The following NSD3 variants were observed in gnomAD, a reference collection of about 807,000 sequenced individuals.
NSD3 encodes the protein nuclear receptor binding SET domain protein 3, also known as histone-lysine N-methyltransferase NSD3.
A neutral mutation model predicts 160.8 loss-of-function variants in NSD3; 24 were observed. The observed-to-expected ratio is 0.15, with a 90% CI of 0.11 to 0.21. The LOEUF (loss-of-function observed/expected upper bound fraction) is 0.21. Among genes scored for constraint, NSD3 ranks in the 10% least tolerant of loss-of-function variants. The pLI is 1.00. For synonymous variants in NSD3, 520 were observed against 600.0 expected (o/e 0.87, Z 1.95); for missense variants, 1,157 against 1,735.9 (o/e 0.67, Z 5.93).
chr8:38,275,392 T>G lies in NSD3; in HGVS notation c.*249A>C. ...TTTCTTTTTCAAGCTGCAATGGCAC[T>G]GAAGCACAATAAAAGGCAAGAAAAG... On this transcript the variant is annotated 3_prime_UTR_variant, in exon 24 of 24. Coordinates refer to ENST00000317025, the MANE Select transcript of NSD3 (RefSeq NM_023034.2). The G allele has an allele frequency of 2.3e-6, 1 of 444,054 alleles. No homozygotes were observed. The highest frequency in any genetic ancestry group is 4.0e-6 in the Non-Finnish European group (1 of 249,944). The allele number at this position is 444,054 out of a possible 1,614,324, so 27.5% of individuals were successfully genotyped here.
intron 1 of NSD3, among the ~76,000 whole-genome samples, chr8:38,378,255 C>T (rs1811444478): frequency 6.6e-6 from 1 of 152,084 alleles, no homozygotes; most frequent in Admixed American, 6.6e-5. Context: ...CCTGTAATTC[C>T]AGCACTTTGG....
chr8:38,347,214 C>G (rs1268937897), intron 2 of NSD3, among the ~76,000 whole-genome samples: 3 of 152,138 alleles, frequency 2.0e-5, no homozygotes, highest in Non-Finnish European at 4.4e-5. Flanking sequence ...CAAAAACCAA[C>G]AGTCTATTGT....
chr8:38,350,973 CTTTTT>C (rs35184943), intron 1 of NSD3, among the ~76,000 whole-genome samples: 1 of 134,178 alleles, frequency 7.5e-6, no homozygotes, highest in African/African-American at 2.8e-5. Flanking sequence ...CTAGAAAGTT[CTTTTT>C]TTTTTTTTTT....
Position 38,299,475 on chromosome 8 carries a change from A to C in NSD3, c.2727T>G (p.Ser909=). 1 of 1,613,100 alleles carries C rather than the reference A, an allele frequency of 6.2e-7. No homozygotes were observed. Among genetic ancestry groups the C allele is most frequent in the East Asian group, 2.2e-5 (1 of 44,860 alleles). ...CACATTTCTTTTTGGAAGCTGACGA[A>C]GAAGGAATCATAGGTAATTTCATCA... ...AELMKLPMIP[S]SSASKKKCEK... The change falls in exon 15 of 24, where the codon TCT becomes TCG. Residue 909 remains serine (S), a synonymous_variant. Transcript: ENST00000317025.
At chr8:38,314,794 G>A (rs1809616928) in intron 11 of NSD3, 21 bp from the exon 12 acceptor site, 2 of 1,610,440 alleles carry the variant, frequency 1.2e-6, no homozygotes, top group African/African-American at 2.7e-5. Context: ...GCAAAAAGCA[G>A]TGGTTCTCAA....
chr8:38,284,581 T>A (rs1051624624), intron 19 of NSD3, among the ~76,000 whole-genome samples: 1 of 152,206 alleles, frequency 6.6e-6, no homozygotes, highest in Non-Finnish European at 1.5e-5. Context: ...GAGATGGGGT[T>A]TCACTATGTT....
chr8:38,315,436 T>A lies in NSD3; in HGVS notation c.2095A>T (p.Lys699Ter). ...SLSRRGTGMS[K>*]KDTVCQICES... ...CCTACCTGACATACAGTGTCCTTCT[T>A]ACTCATTCCAGTGCCTCTTCTCGAC... The change falls in exon 11 of 24, where the codon AAG becomes TAG. Residue 699 changes from lysine (K) to a stop codon, truncating the protein, a stop_gained. Transcript: ENST00000317025. LOFTEE classifies it high-confidence loss of function. 6.3e-7 allele frequency: 1 copy of A among 1,596,584 alleles called. No individual in the cohort carries two copies. Among genetic ancestry groups the A allele is most frequent in the Non-Finnish European group, 8.5e-7 (1 of 1,175,078 alleles).
At chr8:38,369,965 TGTATTTTTA>T (rs1811202367) in intron 1 of NSD3, among the ~76,000 whole-genome samples, 1 of 152,112 alleles carries the variant, frequency 6.6e-6, no homozygotes, top group Admixed American at 6.6e-5. Flanking sequence ...GGCTAATTTT[TGTATTTTTA>T]GTAGACATGG....
At chr8:38,278,761 A>G (rs567018754) in intron 21 of NSD3, among the ~76,000 whole-genome samples, 11 of 152,242 alleles carry the variant, frequency 7.2e-5, no homozygotes, top group Non-Finnish European at 1.6e-4. Context: ...TAGTTTCTAA[A>G]TGAACAATAT....
At chr8:38,377,552 T>C (rs1385225033) in intron 1 of NSD3, among the ~76,000 whole-genome samples, 3 of 148,278 alleles carry the variant, frequency 2.0e-5, no homozygotes, top group East Asian at 2.1e-4. Context: ...TTTCGTCATG[T>C]TGGCCAGACT....
At chr8:38,300,678 G>C (rs1809256570) in intron 14 of NSD3, among the ~76,000 whole-genome samples, 1 of 152,136 alleles carries the variant, frequency 6.6e-6, no homozygotes, top group Admixed American at 6.5e-5. Context: ...CCCTCCCCCA[G>C]TTAATTCATG....
chr8:38,337,356 T>C lies in NSD3; in HGVS notation c.859A>G (p.Met287Val). ...KVGTYPWWPCMVSSDPQLEVH... is the reference protein window; with the variant it reads ...KVGTYPWWPCVVSSDPQLEVH... ...TCAAGCTGGGGATCACTTGAAACCA[T>C]ACAAGGCCACCAAGGATAGGTTCCC... Residue 287 changes from methionine (M) to valine (V), a missense_variant, in exon 4 of 24, where the codon ATG (methionine) becomes GTG (valine). Physicochemically the swap from Met to Val is conservative, Grantham distance 21 (BLOSUM62 1). This residue lies in a region of NSD3 where 99 missense variants were observed against 151.8 expected (regional missense o/e 0.65). Transcript: ENST00000317025. 1 of 1,612,386 alleles carries C rather than the reference T, an allele frequency of 6.2e-7. No homozygotes were observed.
intron 7 of NSD3, among the ~76,000 whole-genome samples, chr8:38,326,402 T>C (rs978788398): frequency 6.6e-6 from 1 of 152,176 alleles, no homozygotes; most frequent in East Asian, 1.9e-4. Context: ...TGTGTGCTAA[T>C]AGAGTGGGAA....
chr8:38,350,523 T>C (rs2150385302), intron 1 of NSD3, among the ~76,000 whole-genome samples: 1 of 152,336 alleles, frequency 6.6e-6, no homozygotes, highest in Admixed American at 6.5e-5. Flanking sequence ...GCCCACTTTT[T>C]GATGGGGTTG....
chr8:38,374,279 A>C (rs781130348), intron 1 of NSD3, among the ~76,000 whole-genome samples: 5 of 152,010 alleles, frequency 3.3e-5, no homozygotes, highest in Non-Finnish European at 7.4e-5. Context: ...CCCTGTCTCT[A>C]AAAATAAAAA....
chr8:38,338,655 C>T lies in NSD3; in HGVS notation c.676-48G>A, dbSNP rs762810434. The T allele has an allele frequency of 1.4e-5, 20 of 1,420,586 alleles. No individual in the cohort carries two copies. In the South Asian group the frequency reaches 1.5e-4, roughly 11 times the overall value. The allele number at this position is 1,420,586 out of a possible 1,614,324, so 88.0% of individuals were successfully genotyped here. ...GTAGAATAAAATGGCATTAAATAAA[C>T]AAACAAACAAAAAACAGTGACATAC... On this transcript the variant is annotated intron_variant, in intron 2 of 23. Transcript: ENST00000317025.
intron 21 of NSD3, 56 bp downstream of exon 21, chr8:38,279,484 A>G: frequency 7.5e-6 from 12 of 1,597,752 alleles, no homozygotes; most frequent in Non-Finnish European, 1.0e-5. Context: ...TCCTAGCTCT[A>G]TAGGATATTC....
At chr8:38,338,698 AAACT>A in intron 2 of NSD3, 91 bp from the exon 3 acceptor site, 1 of 1,038,910 alleles carries the variant, frequency 9.6e-7, no homozygotes, top group Non-Finnish European at 1.5e-6. Flanking sequence ...GAATCAAAGA[AAACT>A]AAATAAAGAG....
intron 21 of NSD3, among the ~76,000 whole-genome samples, chr8:38,279,160 G>C (rs2130982811): frequency 6.6e-6 from 1 of 152,330 alleles, no homozygotes; most frequent in East Asian, 1.9e-4. Flanking sequence ...GGAACCAGCT[G>C]CTGTTAACAC....
Sources: gnomAD v4.1 joint callset for allele counts (sites outside exome capture counted in the v4.1 genomes callset) on GRCh38, gnomAD v4.1.1 for gene constraint, gnomAD v4.1.1 regional missense constraint, MANE v1.5 for transcripts, NCBI Gene and HGNC (gene_info 2026-07-23, HGNC 2026-07-21) for gene names.